DYNC1H1: variants seen among roughly 807,000 people sequenced by gnomAD.
The protein encoded by DYNC1H1 is dynein cytoplasmic 1 heavy chain 1, also known as cytoplasmic dynein 1 heavy chain 1.
DYNC1H1 carries 51 observed loss-of-function variants against 527.1 expected under a neutral mutation model. The ratio of observed to expected loss-of-function variants is 0.10; its 90% CI spans 0.08 to 0.12. The LOEUF (loss-of-function observed/expected upper bound fraction) is 0.12. Among genes scored for constraint, DYNC1H1 ranks in the 10% least tolerant of loss-of-function variants. The pLI is 1.00. For synonymous variants in DYNC1H1, 2,189 were observed against 2,278.8 expected, an observed-to-expected ratio of 0.96 and a Z score of 1.12; for missense variants, 2,771 against 5,971.8, an observed-to-expected ratio of 0.46 and a Z score of 17.66.
intron 72 of DYNC1H1, among the ~76,000 whole-genome samples, chr14:102,046,331 CGAAAAGCTAAGAAGACAA>C (rs980505479): frequency 6.6e-5 from 10 of 152,232 alleles, no homozygotes; most frequent in East Asian, 3.9e-4. Flanking sequence ...GAAAAAGTCA[CGAAAAGCTAAGAAGACAA>C]GAAAAGCTAA....
intron 1 of DYNC1H1, among the ~76,000 whole-genome samples, chr14:101,972,951 C>T (rs2047756509): frequency 6.6e-6 from 1 of 152,080 alleles, no homozygotes; most frequent in Non-Finnish European, 1.5e-5. Flanking sequence ...TCTATGCTTA[C>T]ATTTTACAGG....
In DYNC1H1 at chr14:101,987,499, G is replaced by A. The variant is rs2141275779; in HGVS notation, c.2585G>A (p.Arg862His). 7 of 1,614,158 alleles carry A rather than the reference G, an allele frequency of 4.3e-6. No individual in the cohort carries two copies. The highest frequency in any genetic ancestry group is 5.1e-6 in the Non-Finnish European group (6 of 1,180,026). Residue 862 changes from arginine to histidine, a missense_variant, in exon 9 of 78, where the codon CGT becomes CAT. Transcript: ENST00000360184. ...IIEEKIDLEV[R>H]SLETCMYDHK... is the part of the protein sequence containing the mutation. ...GAAGAAAAAATAGACCTAGAAGTCC[G>A]TTCCTTGGAAACTTGTATGTATGAC...
At chr14:101,977,081 C>A (rs2141267698) in intron 2 of DYNC1H1, among the ~76,000 whole-genome samples, 1 of 152,264 alleles carries the variant, frequency 6.6e-6, no homozygotes, top group South Asian at 2.1e-4. Context: ...AACTGGATAT[C>A]TGATTTTTCA....
chr14:102,044,631 C>T lies in DYNC1H1; in HGVS notation c.12939C>T (p.Pro4313=), dbSNP rs151172467. The T allele has an allele frequency of 8.2e-5, 133 of 1,614,148 alleles. No individual in the cohort carries two copies. The highest frequency in any genetic ancestry group is 3.3e-4 in the African/African-American group (25 of 75,048). ...EEFVQWVELL[P]DTQTPSWLGL... Reference sequence around the variant, plus strand: ...TTGTGCAGTGGGTGGAGTTGCTCCCCGACACCCAGACGCCCTCCTGGCTGG... The same window carrying T: ...TTGTGCAGTGGGTGGAGTTGCTCCCTGACACCCAGACGCCCTCCTGGCTGG... Residue 4313 remains proline (P), a synonymous_variant, in exon 72 of 78, where the codon CCC becomes CCT. Transcript: ENST00000360184. This position sits in a 1 kb window ranked among gnomAD's most constrained non-coding sequence, Gnocchi z 7.1.
Position 102,020,179 on chromosome 14 carries a change from G to C in DYNC1H1, c.8507+123G>C. On this transcript the variant is annotated intron_variant, in intron 42 of 77. Coordinates refer to ENST00000360184, the MANE Select transcript of DYNC1H1 (RefSeq NM_001376.5). This position sits in a 1 kb window ranked among gnomAD's most constrained non-coding sequence, Gnocchi z 4.3. ...TTAGAGCCAGGTGGTGCCAGTGGTG[G>C]AAGGAGCAGAGTCAGCCAGGGCAGC... 2.9e-6 allele frequency: 4 copies of C among 1,373,808 alleles called. No individual in the cohort carries two copies. Among genetic ancestry groups the C allele is most frequent in the Non-Finnish European group, 3.0e-6 (3 of 995,616 alleles). 85.1% of individuals were successfully genotyped at this position (1,373,808 alleles called of 1,614,324 possible). A position where few individuals can be genotyped will look rare whatever the true frequency, so the allele number is the denominator to read the frequency against.
Position 102,042,904 on chromosome 14 carries a change from T to G in DYNC1H1, c.12513+156T>G. ...CAGCTGTAGGTAAAATTTCCTTCCA[T>G]GGCCGGGCACCGTGGCTCACACTGG... On this transcript the variant is annotated intron_variant, in intron 69 of 77. Transcript: ENST00000360184. This position sits in a 1 kb window ranked among gnomAD's most constrained non-coding sequence, Gnocchi z 5.7. 2 of 855,986 alleles carry G rather than the reference T, an allele frequency of 2.3e-6. No individual in the cohort carries two copies. Among genetic ancestry groups the G allele is most frequent in the East Asian group, 5.3e-5 (2 of 37,458 alleles). The allele number at this position is 855,986 out of a possible 1,614,324, so 53.0% of individuals were successfully genotyped here.
chr14:101,990,359 AT>A (rs1405636703), intron 10 of DYNC1H1, among the ~76,000 whole-genome samples: 1 of 152,124 alleles, frequency 6.6e-6, no homozygotes, highest in Non-Finnish European at 1.5e-5. Flanking sequence ...GCCAAACCAG[AT>A]GAAAGTTCAT....
rs1595611380 is a variant in DYNC1H1 at position 102,005,069 on chromosome 14, A to G, written c.5266A>G (p.Ile1756Val). 1 of 1,614,208 alleles carries G rather than the reference A, an allele frequency of 6.2e-7. No individual in the cohort carries two copies. Among genetic ancestry groups the G allele is most frequent in the African/African-American group, 1.3e-5 (1 of 75,058 alleles). Residue 1756 changes from isoleucine to valine, a missense_variant, in exon 26 of 78, where the codon ATA becomes GTA. Ile to Val is a conservative substitution (Grantham distance 29, BLOSUM62 3). Transcript: ENST00000360184. This position sits in a 1 kb window ranked among gnomAD's most constrained non-coding sequence, Gnocchi z 4.0. ...CCAGCTTGTGGTTTTGTCAGCCCAG[A>G]TAGCCTGGTCTGAGAACGTGGAGAC... is the stretch of plus-strand genomic sequence containing the variant. ...QAQLVVLSAQ[I>V]AWSENVETAL...
intron 43 of DYNC1H1, among the ~76,000 whole-genome samples, chr14:102,025,335 G>A (rs373731808): frequency 6.6e-6 from 1 of 151,890 alleles, no homozygotes; most frequent in Non-Finnish European, 1.5e-5. Context: ...AACCTGGGAG[G>A]CAGAGGTTGC....
At position 102,015,454 on chromosome 14, in the gene DYNC1H1, C is replaced by A; in HGVS notation, c.7242+122C>A. On this transcript the variant is annotated intron_variant, in intron 35 of 77. Coordinates refer to ENST00000360184, the MANE Select transcript of DYNC1H1 (RefSeq NM_001376.5). The surrounding 1 kb of genome is among the most constrained non-coding windows in gnomAD (Gnocchi z 6.9). ...GGCCCAAGCAATCCACCTGCCTTGG[C>A]CTCTCAAAGTGCTGGGATTACAGGC... The A allele has an allele frequency of 8.5e-7, 1 of 1,171,376 alleles. No individual in the cohort carries two copies. Among genetic ancestry groups the A allele is most frequent in the Non-Finnish European group, 1.2e-6 (1 of 837,148 alleles). 72.6% of individuals were successfully genotyped at this position (1,171,376 alleles called of 1,614,324 possible).
rs2048250883 is a variant in DYNC1H1, at chr14:102,010,846, A to G, written c.6512A>G (p.His2171Arg). The G allele has an allele frequency of 6.2e-7, 1 of 1,614,260 alleles. No individual in the cohort carries two copies. The highest frequency in any genetic ancestry group is 2.2e-5 in the East Asian group (1 of 44,890). ...GACGTGTTCCCTGGAGTCCAGTATC[A>G]CAGGGGTGAGATGACTGCCCTTCGA... ...LSDVFPGVQY[H>R]RGEMTALREE... is the part of the protein sequence containing the mutation. Residue 2171 changes from histidine (H) to arginine (R), a missense_variant, in exon 32 of 78, where the codon CAC becomes CGC. Coordinates refer to ENST00000360184, the MANE Select transcript of DYNC1H1 (RefSeq NM_001376.5). This position sits in a 1 kb window ranked among gnomAD's most constrained non-coding sequence, Gnocchi z 6.0.
intron 2 of DYNC1H1, among the ~76,000 whole-genome samples, chr14:101,976,407 TGG>T (rs2141267262): frequency 6.6e-6 from 1 of 151,526 alleles, no homozygotes; most frequent in Non-Finnish European, 1.5e-5. Context: ...CCAGGCGTGG[TGG>T]TGCATGCCTG....
chr14:102,044,405 G>A lies in DYNC1H1; in HGVS notation c.12816G>A (p.Leu4272=), dbSNP rs1178904005. ...QRLLNTFLER[L]FTTRSFDSEF... is the part of the protein sequence containing the mutation. ...TGCTCAACACCTTCCTGGAGCGCCT[G>A]TTCACAACCAGGAGTTTCGACAGTG... The change falls in exon 71 of 78, where the codon CTG becomes CTA. Residue 4272 remains leucine, a synonymous_variant. Coordinates refer to ENST00000360184, the MANE Select transcript of DYNC1H1 (RefSeq NM_001376.5). This position sits in a 1 kb window ranked among gnomAD's most constrained non-coding sequence, Gnocchi z 7.1. The A allele has an allele frequency of 2.5e-6, 4 of 1,614,212 alleles. No individual in the cohort carries two copies. Among genetic ancestry groups the A allele is most frequent in the South Asian group, 1.1e-5 (1 of 91,084 alleles).
chr14:102,008,058 T>A, intron 28 of DYNC1H1, 120 bp from the exon 29 acceptor site: 1 of 1,437,766 alleles, frequency 7.0e-7, no homozygotes, highest in East Asian at 2.3e-5. Flanking sequence ...TACACGCTCT[T>A]TCGCTAAAGA....
intron 1 of DYNC1H1, among the ~76,000 whole-genome samples, chr14:101,969,111 G>C (rs560524973): frequency 2.0e-5 from 3 of 151,874 alleles, no homozygotes; most frequent in Non-Finnish European, 1.5e-5. Flanking sequence ...TCCGCCTCCC[G>C]GGTTCACGCC....
At chr14:101,969,553 CAA>C (rs1275196599) in intron 1 of DYNC1H1, 2 of 155,870 alleles carry the variant, frequency 1.3e-5, no homozygotes, top group Non-Finnish European at 2.9e-5. Context: ...CCAGCAGACA[CAA>C]AGAGGGAGAT....
At position 101,986,187 on chromosome 14, in the gene DYNC1H1, C is replaced by T. The variant is rs768776793; in HGVS notation, c.1962C>T (p.Ile654=). The part of the protein sequence containing the change: ...VSGSIIWAKQ[I]DRQLTAYMKR... ...GGTCTATCATCTGGGCTAAACAGAT[C>T]GACAGGCAGCTGACGGCCTACATGA... The change falls in exon 8 of 78, where the codon ATC becomes ATT. Residue 654 remains isoleucine, a synonymous_variant. Transcript: ENST00000360184. This position sits in a 1 kb window ranked among gnomAD's most constrained non-coding sequence, Gnocchi z 8.7. 32 of 1,613,992 alleles carry T rather than the reference C, an allele frequency of 2.0e-5. No individual in the cohort carries two copies. The highest frequency in any genetic ancestry group is 3.3e-4 in the Middle Eastern group (2 of 6,084).
intron 55 of DYNC1H1, 22 bp from the exon 56 acceptor site, chr14:102,034,303 A>G (rs774620629): frequency 3.1e-6 from 5 of 1,614,240 alleles, no homozygotes; most frequent in Admixed American, 3.3e-5. Context: ...AGAGGAGGAA[A>G]GGTAACGGCC....
In DYNC1H1 at chr14:102,001,109, C is replaced by T. The variant is rs757308292; in HGVS notation, c.4186-36C>T. The T allele has an allele frequency of 2.3e-5, 37 of 1,614,050 alleles. No individual in the cohort carries two copies. In the East Asian group the frequency reaches 8.2e-4, roughly 36 times the overall value. The stretch of plus-strand genomic sequence containing the variant: ...CGGTGATGAGTGTCCATTAGAAACG[C>T]ACCTGCACAGATCACTTTGTTTACT... On this transcript the variant is annotated intron_variant, in intron 19 of 77. Transcript: ENST00000360184. The surrounding 1 kb of genome is among the most constrained non-coding windows in gnomAD (Gnocchi z 5.0).
Sources: allele counts gnomAD v4.1 joint callset (sites outside exome capture counted in the v4.1 genomes callset), GRCh38; gene constraint gnomAD v4.1.1; non-coding constraint Gnocchi (gnomAD v3.1); transcripts MANE v1.5; gene names NCBI Gene and HGNC (gene_info 2026-07-23, HGNC 2026-07-21).